Variants in AMTN observed in about 807,000 individuals in gnomAD.
AMTN encodes the protein amelotin.
Under a neutral mutation model 27.4 loss-of-function variants are expected in AMTN, and 29 were observed. The ratio of observed to expected loss-of-function variants is 1.06; its 90% confidence interval spans 0.79 to 1.44. AMTN has a LOEUF of 1.44. AMTN is among the 40% of genes most tolerant of loss of function. The pLI, the probability that AMTN is intolerant of heterozygous loss-of-function variation, is 0.00. For missense variants in AMTN, 247 were observed against 248.8 expected, an observed-to-expected ratio of 0.99 and a Z score of 0.05; for synonymous variants, 86 against 95.7, an observed-to-expected ratio of 0.90 and a Z score of 0.59.
At chr4:70,529,022 G>A (rs185379810) in intron 6 of AMTN, among the ~76,000 whole-genome samples, 162 bp from the exon 7 acceptor site, 72 of 152,280 alleles carry the variant, frequency 4.7e-4, no homozygotes, top group Admixed American at 1.0e-3. Flanking sequence ...ATGCTGACTT[G>A]AGTTTTGTAA....
chr4:70,521,640 CTTTTTTTTTT>C (rs763143860), intron 2 of AMTN, among the ~76,000 whole-genome samples: 3 of 76,468 alleles, frequency 3.9e-5, no homozygotes, highest in East Asian at 5.3e-4. Flanking sequence ...ACCAACCTCT[CTTTTTTTTTT>C]TTTTTTTTTT....
intron 7 of AMTN, 102 bp from the exon 8 acceptor site, chr4:70,530,937 C>G: frequency 6.8e-7 from 1 of 1,462,098 alleles, no homozygotes; most frequent in Non-Finnish European, 9.2e-7. Context: ...TCTGACTTTA[C>G]TCTCTCCATC....
At chr4:70,523,716 G>A in intron 3 of AMTN, 152 bp from the exon 4 acceptor site, 1 of 653,248 alleles carries the variant, frequency 1.5e-6, no homozygotes, top group Non-Finnish European at 2.7e-6. Flanking sequence ...AGGGAGCAAT[G>A]CTAGTGAGAG....
rs989887637 is a variant in AMTN at position 70,522,940 on chromosome 4, C to G, written c.138+102C>G. 2.8e-5 allele frequency: 32 copies of G among 1,133,814 alleles called. No individual in the cohort carries two copies. The South Asian group carries it at 4.3e-4, about 15-fold the overall frequency. The allele number at this position is 1,133,814 out of a possible 1,614,324, so 70.2% of individuals were successfully genotyped here. ...ACGTTAAGACTGGTAGGTTTAAAAT[C>G]AAAATTTACATGAAGACTGTACAAG... On this transcript the variant is annotated intron_variant, in intron 3 of 8. Coordinates refer to ENST00000339336, the MANE Select transcript of AMTN (RefSeq NM_212557.4).
At chr4:70,521,770 C>T (rs1164321825) in intron 2 of AMTN, among the ~76,000 whole-genome samples, 3 of 147,514 alleles carry the variant, frequency 2.0e-5, no homozygotes, top group Admixed American at 6.9e-5. Context: ...TAAGCGTGCA[C>T]CACCATGCTC....
chr4:70,524,030 A>G (rs1185428517), intron 4 of AMTN, 97 bp downstream of exon 4: 1 of 921,626 alleles, frequency 1.1e-6, no homozygotes, highest in Non-Finnish European at 1.7e-6. Context: ...GCGTATATCC[A>G]CAAATGAAAA....
Position 70,529,774 on chromosome 4 carries a change from A to G in AMTN, c.357+564A>G, listed in dbSNP as rs548866297. 1.3e-4 allele frequency among the ~76,000 whole-genome samples: 20 copies of G among 152,276 alleles called. No individual in the cohort carries two copies. In the East Asian group the frequency reaches 3.9e-3, roughly 29 times the overall value. ...AGAGAAAAGGACTTGAATTAACATGATATCTAAACATGACAACAGTACAGA... is the reference window on the plus strand; with the variant it reads ...AGAGAAAAGGACTTGAATTAACATGGTATCTAAACATGACAACAGTACAGA... On this transcript the variant is annotated intron_variant, in intron 7 of 8. Coordinates refer to ENST00000339336, the MANE Select transcript of AMTN (RefSeq NM_212557.4).
intron 3 of AMTN, among the ~76,000 whole-genome samples, chr4:70,523,267 G>C (rs1201374402): frequency 2.0e-5 from 3 of 152,168 alleles, no homozygotes; most frequent in Non-Finnish European, 4.4e-5. Context: ...GCTTTGTAAA[G>C]TTTCATTGTT....
At chr4:70,524,313 C>G (rs1196206188) in intron 4 of AMTN, among the ~76,000 whole-genome samples, 3 of 152,174 alleles carry the variant, frequency 2.0e-5, no homozygotes, top group Non-Finnish European at 2.9e-5. Flanking sequence ...AGACAAAGAT[C>G]TTCAGTGTCT....
rs539075548 is a variant in AMTN at position 70,530,380 on chromosome 4, C to T, written c.358-659C>T. Among the ~76,000 whole-genome samples the T allele has an allele frequency of 5.5e-4, 84 of 152,308 alleles. 1 individual carries two copies. The highest frequency in any genetic ancestry group is 1.8e-3 in the African/African-American group (74 of 41,578). ...GATATCACAACCCTCAGTTTGAAAA[C>T]GTCTGTACTCTGCTCCTATCTGTCA... On this transcript the variant is annotated intron_variant, in intron 7 of 8. Coordinates refer to ENST00000339336, the MANE Select transcript of AMTN (RefSeq NM_212557.4).
At position 70,518,788 on chromosome 4, in the gene AMTN, C is replaced by T. The variant is rs374431307; in HGVS notation, c.11C>T (p.Thr4Met). The change falls in exon 2 of 9, where the codon ACG (threonine) becomes ATG (methionine). Residue 4 changes from threonine to methionine, a missense_variant. Thr to Met is a moderately conservative substitution (Grantham distance 81). Coordinates refer to ENST00000339336, the MANE Select transcript of AMTN (RefSeq NM_212557.4). Reference sequence around the variant, plus strand: ...GTAGCAATCTGAAACATGAGGAGTACGATTCTACTGTTTTGTCTTCTAGGA... The same window carrying T: ...GTAGCAATCTGAAACATGAGGAGTATGATTCTACTGTTTTGTCTTCTAGGA... MRS[T>M]ILLFCLLGST... 29 of 1,606,712 alleles carry T rather than the reference C, an allele frequency of 1.8e-5. No homozygotes were observed. The highest frequency in any genetic ancestry group is 6.7e-5 in the African/African-American group (5 of 74,708).
chr4:70,522,707 C>T (rs1736005855), intron 2 of AMTN, 48 bp from the exon 3 acceptor site: 1 of 1,581,842 alleles, frequency 6.3e-7, no homozygotes. Context: ...GACACAAAAT[C>T]TTAAACACAT....
At chr4:70,519,267 A>T (rs1735895289) in intron 2 of AMTN, among the ~76,000 whole-genome samples, 1 of 152,244 alleles carries the variant, frequency 6.6e-6, no homozygotes, top group Admixed American at 6.5e-5. Flanking sequence ...CCACCAAAAC[A>T]TATGATATCA....
chr4:70,529,221 T>A lies in AMTN; in HGVS notation c.357+11T>A, dbSNP rs1291203307. 4 of 1,529,874 alleles carry A rather than the reference T, an allele frequency of 2.6e-6. No homozygotes were observed. In the Admixed American group the frequency reaches 6.7e-5, roughly 26 times the overall value. 94.8% of individuals were successfully genotyped at this position (1,529,874 alleles called of 1,614,324 possible). The stretch of plus-strand genomic sequence containing the variant: ...AGCTCAGAGGAATTGGTAAAAAAAA[T>A]AAAAATACTATTTCAAATTATTTTC... On this transcript the variant is annotated intron_variant, in intron 7 of 8. Coordinates refer to ENST00000339336, the MANE Select transcript of AMTN (RefSeq NM_212557.4).
chr4:70,525,540 G>C (rs1349555112), intron 5 of AMTN, among the ~76,000 whole-genome samples: 2 of 152,132 alleles, frequency 1.3e-5, no homozygotes, highest in African/African-American at 4.8e-5. Flanking sequence ...TGAAGTGTTT[G>C]CATTTTAACA....
chr4:70,527,879 GTGACCC>G (rs1736132449), intron 5 of AMTN, among the ~76,000 whole-genome samples: 2 of 152,240 alleles, frequency 1.3e-5, no homozygotes, highest in Non-Finnish European at 2.9e-5. Flanking sequence ...TTTGTTATCA[GTGACCC>G]TTGAATTATT....
chr4:70,519,649 GA>G (rs995906781), intron 2 of AMTN, among the ~76,000 whole-genome samples: 118 of 151,164 alleles, frequency 7.8e-4, no homozygotes, highest in African/African-American at 2.7e-3. Context: ...AGTGAGAAGG[GA>G]AAAAAAGGCA....
rs1281325211 is a variant in AMTN, at chr4:70,531,265, A to G, written c.584A>G (p.His195Arg). 1.2e-6 allele frequency: 2 copies of G among 1,614,012 alleles called. No individual in the cohort carries two copies. Among genetic ancestry groups the G allele is most frequent in the East Asian group, 2.2e-5 (1 of 44,856 alleles). ...TTPAGIQRST[H>R]AIEEATTESA... Reference sequence around the variant, plus strand: ...CCTGCAGGCATCCAAAGGAGCACACATGCCATCGAGGAAGCCACCACAGAA... The same window carrying G: ...CCTGCAGGCATCCAAAGGAGCACACGTGCCATCGAGGAAGCCACCACAGAA... The change falls in exon 8 of 9, where the codon CAT becomes CGT. Residue 195 changes from histidine to arginine, a missense_variant. Transcript: ENST00000339336.
At chr4:70,521,479 C>T (rs1735965477) in intron 2 of AMTN, among the ~76,000 whole-genome samples, 1 of 148,996 alleles carries the variant, frequency 6.7e-6, no homozygotes, top group Admixed American at 6.7e-5. Context: ...CCATCATTTT[C>T]ACAGGGTCAC....
Sources: allele counts gnomAD v4.1 joint callset (sites outside exome capture counted in the v4.1 genomes callset), GRCh38; gene constraint gnomAD v4.1.1; transcripts MANE v1.5; gene names NCBI Gene and HGNC (gene_info 2026-07-23, HGNC 2026-07-21).